The following FER1L6 variants were observed in gnomAD, a reference collection of about 807,000 sequenced individuals.
The protein encoded by FER1L6 is fer-1 like family member 6.
In FER1L6, 177 loss-of-function variants were observed where a neutral mutation model predicts 219.2. The ratio of observed to expected loss-of-function variants is 0.81; its 90% CI spans 0.71 to 0.91. The LOEUF is 0.91. FER1L6 is among the 40% of genes least tolerant of loss of function. The pLI is 0.00. For missense variants in FER1L6, 2,153 were observed against 2,259.9 expected (o/e 0.95, Z 0.96); for synonymous variants, 768 against 824.3 (o/e 0.93, Z 1.17).
chr8:124,063,692 A>G (rs1410042875), intron 25 of FER1L6, among the ~76,000 whole-genome samples: 1 of 152,138 alleles, frequency 6.6e-6, no homozygotes, highest in Non-Finnish European at 1.5e-5. Context: ...GTTGGGTTGA[A>G]TTTGCTGTTG....
intron 15 of FER1L6, chr8:124,015,990 A>G (rs1818184805): frequency 6.5e-6 from 1 of 152,872 alleles, no homozygotes; most frequent in Non-Finnish European, 1.5e-5. Flanking sequence ...GGCACTTGCC[A>G]TGTGACATGT....
intron 1 of FER1L6, among the ~76,000 whole-genome samples, chr8:123,885,164 C>A (rs1305103995): frequency 6.6e-6 from 1 of 152,160 alleles, no homozygotes; most frequent in East Asian, 1.9e-4. Context: ...ACAGCCCTCC[C>A]AGCACCTTAG....
intron 34 of FER1L6, among the ~76,000 whole-genome samples, chr8:124,092,329 C>A (rs901068977): frequency 2.2e-4 from 33 of 152,086 alleles, no homozygotes; most frequent in African/African-American, 5.8e-4. Flanking sequence ...TTGTGTGTTT[C>A]TGATATTTCT....
At position 123,980,390 on chromosome 8, in the gene FER1L6, C is replaced by G. The variant is rs533558117; in HGVS notation, c.1064-75C>G. 2.2e-4 allele frequency: 263 copies of G among 1,198,262 alleles called. No individual in the cohort carries two copies. In the African/African-American group the frequency reaches 3.7e-3, roughly 17 times the overall value. The allele number at this position is 1,198,262 out of a possible 1,614,324, so 74.2% of individuals were successfully genotyped here. On this transcript the variant is annotated intron_variant, in intron 10 of 40. Coordinates refer to ENST00000522917, the MANE Select transcript of FER1L6 (RefSeq NM_001039112.2). ...TCTTTCGTCTTTCTTGGATATTCTACATTTTGAAATGAATGTGTGCAACTT... is the reference window on the plus strand; with the variant it reads ...TCTTTCGTCTTTCTTGGATATTCTAGATTTTGAAATGAATGTGTGCAACTT...
intron 18 of FER1L6, among the ~76,000 whole-genome samples, chr8:124,033,078 G>A (rs4615556): frequency 0.2 from 29,965 of 152,166 alleles, 3,115 homozygotes; most frequent in Middle Eastern, 0.29. Flanking sequence ...TGTGTGAAGA[G>A]AGAAACATTA....
At chr8:123,905,248 C>A (rs1220313706) in intron 1 of FER1L6, among the ~76,000 whole-genome samples, 1 of 152,134 alleles carries the variant, frequency 6.6e-6, no homozygotes, top group Non-Finnish European at 1.5e-5. Context: ...CCCCAACACC[C>A]CTGGCAGGCC....
intron 12 of FER1L6, among the ~76,000 whole-genome samples, chr8:123,996,295 T>G (rs1817128760): frequency 6.6e-6 from 1 of 152,192 alleles, no homozygotes. Flanking sequence ...TATCTTTCTC[T>G]TTAGCTCTAA....
In FER1L6 at chr8:124,053,687, C is replaced by T. The variant is rs111416145; in HGVS notation, c.2874+3931C>T. ...AGCCTCAGCAACATAGTGGGATCCC[C>T]GTCTCTACAAAACATAAAAATTCAG... On this transcript the variant is annotated intron_variant, in intron 22 of 40. Transcript: ENST00000522917. Among the ~76,000 whole-genome samples, 596 of 152,072 alleles carry T rather than the reference C, an allele frequency of 3.9e-3. 2 individuals carry two copies. The highest frequency in any genetic ancestry group is 6.8e-3 in the Middle Eastern group (2 of 294).
At chr8:123,991,808 A>G (rs1166196380) in intron 12 of FER1L6, among the ~76,000 whole-genome samples, 4 of 151,974 alleles carry the variant, frequency 2.6e-5, no homozygotes, top group Non-Finnish European at 4.4e-5. Context: ...TCCCCATTCA[A>G]TATAATGTTG....
At chr8:124,067,197 C>G (rs886303678) in intron 27 of FER1L6, among the ~76,000 whole-genome samples, 1 of 152,164 alleles carries the variant, frequency 6.6e-6, no homozygotes, top group Non-Finnish European at 1.5e-5. Context: ...ATTGAATGCA[C>G]TTCTGCTTCT....
intron 35 of FER1L6, 84 bp downstream of exon 35, chr8:124,095,122 T>G (rs1822224237): frequency 6.5e-7 from 1 of 1,530,362 alleles, no homozygotes. Flanking sequence ...AATTTTGACC[T>G]TCCCTCAGGT....
chr8:124,007,882 T>A (rs530648953), intron 13 of FER1L6, among the ~76,000 whole-genome samples: 5,516 of 152,300 alleles, frequency 0.036, 218 homozygotes, highest in East Asian at 0.11. Flanking sequence ...TATGATTATT[T>A]TTTTACATTT....
chr8:124,084,971 G>A (rs916300562), intron 33 of FER1L6, among the ~76,000 whole-genome samples: 1 of 151,958 alleles, frequency 6.6e-6, no homozygotes, highest in African/African-American at 2.4e-5. Context: ...ACTTCTCCAT[G>A]GTTCAATCTT....
chr8:124,067,591 T>A (rs1820880707), intron 27 of FER1L6, among the ~76,000 whole-genome samples, 176 bp from the exon 28 acceptor site: 1 of 152,214 alleles, frequency 6.6e-6, no homozygotes, highest in South Asian at 2.1e-4. Context: ...GGCATCCTAT[T>A]GGGCTTAACC....
chr8:123,966,006 G>C lies in FER1L6; in HGVS notation c.198-1G>C. The C allele has an allele frequency of 6.2e-7, 1 of 1,612,248 alleles. No individual in the cohort carries two copies. Among genetic ancestry groups the C allele is most frequent in the Non-Finnish European group, 8.5e-7 (1 of 1,178,776 alleles). On this transcript the variant is annotated splice_acceptor_variant, in intron 3 of 40. Transcript: ENST00000522917. LOFTEE classifies it high-confidence loss of function. Reference sequence around the variant, plus strand: ...AAACATATTAAACTTTCTTTTAATAGATCAAAACTGTTGACTAAGATCCAT... The same window carrying C: ...AAACATATTAAACTTTCTTTTAATACATCAAAACTGTTGACTAAGATCCAT...
rs181878542 is a variant in FER1L6, at chr8:124,054,866, G to A, written c.2874+5110G>A. On this transcript the variant is annotated intron_variant, in intron 22 of 40. Coordinates refer to ENST00000522917, the MANE Select transcript of FER1L6 (RefSeq NM_001039112.2). ...GATGGGAAACCAAGAGAGGACTCTCGGCACAATGACTTAATGTTGCAACGC... is the reference window on the plus strand; with the variant it reads ...GATGGGAAACCAAGAGAGGACTCTCAGCACAATGACTTAATGTTGCAACGC... 4.4e-4 allele frequency among the ~76,000 whole-genome samples: 67 copies of A among 152,222 alleles called. 1 individual carries two copies. Among genetic ancestry groups the A allele is most frequent in the African/African-American group, 1.5e-3 (62 of 41,544 alleles).
intron 3 of FER1L6, 84 bp from the exon 4 acceptor site, chr8:123,965,923 C>A: frequency 8.3e-7 from 1 of 1,203,594 alleles, no homozygotes; most frequent in Non-Finnish European, 1.2e-6. Context: ...AATGAAAGGA[C>A]TTAGAAATAC....
chr8:123,936,977 C>T (rs1306388352), intron 1 of FER1L6, among the ~76,000 whole-genome samples: 2 of 152,156 alleles, frequency 1.3e-5, no homozygotes, highest in Non-Finnish European at 2.9e-5. Flanking sequence ...AAGATGTTGG[C>T]CTACTGCAAC....
chr8:124,022,946 T>C (rs1180161853), intron 17 of FER1L6, among the ~76,000 whole-genome samples: 1 of 152,070 alleles, frequency 6.6e-6, no homozygotes, highest in Non-Finnish European at 1.5e-5. Context: ...GGAGTCTTGC[T>C]CTGTCTCCCA....
Sources: allele counts gnomAD v4.1 joint callset (sites outside exome capture counted in the v4.1 genomes callset), GRCh38; gene constraint gnomAD v4.1.1; transcripts MANE v1.5; gene names NCBI Gene and HGNC (gene_info 2026-07-23, HGNC 2026-07-21).